Variants in LINGO2 observed in about 807,000 individuals in gnomAD.
LINGO2 encodes the protein leucine-rich repeat and immunoglobulin-like domain-containing nogo receptor-interacting protein 2.
LINGO2 carries 14 observed loss-of-function variants against 30.6 expected under a neutral mutation model. The ratio of observed to expected loss-of-function variants is 0.46; its 90% confidence interval spans 0.30 to 0.72. The LOEUF (loss-of-function observed/expected upper bound fraction) is 0.72, where lower values mean the gene tolerates loss of function less well. Among genes scored for constraint, LINGO2 ranks in the 30% least tolerant of loss-of-function variants. The pLI is 0.07. For missense variants in LINGO2, 729 were observed against 751.7 expected (o/e 0.97, Z 0.35); for synonymous variants, 317 against 288.5 (o/e 1.10, Z -1.00).
At chr9:28,324,997 T>G (rs981568361) in intron 3 of LINGO2, among the ~76,000 whole-genome samples, 4 of 151,878 alleles carry the variant, frequency 2.6e-5, no homozygotes, top group Non-Finnish European at 4.4e-5. Context: ...AAACTAAATT[T>G]TATGTCTCTC....
the LINGO2 span, among the ~76,000 whole-genome samples, chr9:28,702,356 G>A: frequency 2.3e-4 from 35 of 151,742 alleles, no homozygotes; most frequent in Non-Finnish European, 4.3e-4. Context: ...TCTGTTAAAT[G>A]ATCTTCCTAT....
chr9:28,312,379 G>A (rs943645618), intron 3 of LINGO2, among the ~76,000 whole-genome samples: 1 of 151,702 alleles, frequency 6.6e-6, no homozygotes, highest in Non-Finnish European at 1.5e-5. Context: ...TAGAGAGAGG[G>A]TGGTCAAGGA....
intron 2 of LINGO2, among the ~76,000 whole-genome samples, chr9:28,467,037 G>T (rs199876167): frequency 0.013 from 1,897 of 145,890 alleles, 36 homozygotes; most frequent in African/African-American, 0.045. Flanking sequence ...TTTTTTTTTG[G>T]GGGGGGGGGA....
the LINGO2 span, among the ~76,000 whole-genome samples, chr9:28,740,798 T>G: frequency 1.3e-5 from 2 of 152,074 alleles, no homozygotes; most frequent in African/African-American, 4.8e-5. Flanking sequence ...TGAGAACAAA[T>G]ATAATCTACC....
chr9:29,007,806 A>G, the LINGO2 span, among the ~76,000 whole-genome samples: 3 of 152,170 alleles, frequency 2.0e-5, no homozygotes, highest in South Asian at 2.1e-4. Context: ...GTGCAAGTGA[A>G]TATGTTGAGT....
the LINGO2 span, among the ~76,000 whole-genome samples, chr9:29,148,807 G>A: frequency 2.0e-5 from 3 of 152,158 alleles, no homozygotes; most frequent in South Asian, 2.1e-4. Flanking sequence ...ACAAATGTGG[G>A]TGATAATTAC....
At chr9:28,796,404 T>G in the LINGO2 span, among the ~76,000 whole-genome samples, 19 of 152,096 alleles carry the variant, frequency 1.2e-4, no homozygotes, top group Non-Finnish European at 1.8e-4. Flanking sequence ...CATCTCAAAA[T>G]TATTTTTTTA....
intron 4 of LINGO2, among the ~76,000 whole-genome samples, chr9:28,090,266 A>G (rs1199840132): frequency 6.6e-6 from 1 of 152,202 alleles, no homozygotes; most frequent in African/African-American, 2.4e-5. Context: ...ACAAAAAAAG[A>G]GAATTTCAGA....
intron 4 of LINGO2, among the ~76,000 whole-genome samples, chr9:28,068,356 C>T (rs536435663): frequency 1.5e-4 from 23 of 152,226 alleles, no homozygotes; most frequent in African/African-American, 5.5e-4. Context: ...AATGCCTCTT[C>T]TTTGTGTGCA....
rs1176938913 is a variant in LINGO2, at chr9:28,148,838, C to T, written c.-86-136433G>A. 3.9e-6 allele frequency: 6 copies of T among 1,533,502 alleles called. No homozygotes were observed. Among genetic ancestry groups the T allele is most frequent in the Non-Finnish European group, 5.2e-6 (6 of 1,146,404 alleles). The allele number at this position is 1,533,502 out of a possible 1,614,324, so 95.0% of individuals were successfully genotyped here. On this transcript the variant is annotated intron_variant, in intron 4 of 5. Transcript: ENST00000379992. The surrounding 1 kb of genome is among the most constrained non-coding windows in gnomAD (Gnocchi z 5.1). ...GGCCTTGAAGGTGCTGGGTAAAGACCACCTGCCCAGCTCTCCAGGCTTGCT... is the reference window on the plus strand; with the variant it reads ...GGCCTTGAAGGTGCTGGGTAAAGACTACCTGCCCAGCTCTCCAGGCTTGCT...
At chr9:28,264,524 G>A (rs762600790) in intron 4 of LINGO2, among the ~76,000 whole-genome samples, 1 of 151,852 alleles carries the variant, frequency 6.6e-6, no homozygotes, top group Non-Finnish European at 1.5e-5. Flanking sequence ...AAATATTCCT[G>A]TTAGCTAGTC....
the LINGO2 span, among the ~76,000 whole-genome samples, chr9:28,910,424 T>C: frequency 6.6e-6 from 1 of 152,016 alleles, no homozygotes; most frequent in African/African-American, 2.4e-5. Flanking sequence ...ACAAGAAACA[T>C]TGTTTCCTAG....
At chr9:28,932,902 A>ATATTATTAT in the LINGO2 span, among the ~76,000 whole-genome samples, 9,162 of 149,798 alleles carry the variant, frequency 0.061, 340 homozygotes, top group Admixed American at 0.086. Flanking sequence ...TCTTTTTATT[A>ATATTATTAT]TATTATTATT....
At chr9:28,433,923 TTCTC>T (rs146254758) in intron 2 of LINGO2, among the ~76,000 whole-genome samples, 17,756 of 110,490 alleles carry the variant, frequency 0.16, 1,665 homozygotes, top group Middle Eastern at 0.26. Flanking sequence ...TGCTCTCTCT[TTCTC>T]TCTCTCTCTC....
chr9:29,004,918 A>T, the LINGO2 span, among the ~76,000 whole-genome samples: 1 of 152,004 alleles, frequency 6.6e-6, no homozygotes, highest in Non-Finnish European at 1.5e-5. Flanking sequence ...TTATCTATAA[A>T]ATGGGGTTAA....
intron 4 of LINGO2, among the ~76,000 whole-genome samples, chr9:28,099,089 T>C (rs976183995): frequency 1.3e-5 from 2 of 152,112 alleles, no homozygotes; most frequent in Non-Finnish European, 2.9e-5. Flanking sequence ...ATGTACTAGA[T>C]AGGACAGTAG....
chr9:28,007,940 G>A (rs1587675786), intron 5 of LINGO2, among the ~76,000 whole-genome samples: 1 of 152,168 alleles, frequency 6.6e-6, no homozygotes, highest in Non-Finnish European at 1.5e-5. Context: ...CAGCAGGTGA[G>A]TTCTTCCTCT....
chr9:28,359,090 C>T (rs904184663), intron 3 of LINGO2, among the ~76,000 whole-genome samples: 1 of 152,108 alleles, frequency 6.6e-6, no homozygotes, highest in Non-Finnish European at 1.5e-5. Context: ...GTTTCCTTTA[C>T]CTAACCCAAA....
At chr9:28,007,836 TC>T (rs1411995829) in intron 5 of LINGO2, among the ~76,000 whole-genome samples, 1 of 152,126 alleles carries the variant, frequency 6.6e-6, no homozygotes, top group Non-Finnish European at 1.5e-5. Flanking sequence ...ACAAAAGAAA[TC>T]AAGATTATGG....
Sources: gnomAD v4.1 joint callset for allele counts (sites outside exome capture counted in the v4.1 genomes callset) on GRCh38, gnomAD v4.1.1 for gene constraint, Gnocchi (gnomAD v3.1) non-coding constraint, MANE v1.5 for transcripts, NCBI Gene and HGNC (gene_info 2026-07-23, HGNC 2026-07-21) for gene names.